The following LRRC4C variants were observed in gnomAD, a reference collection of about 807,000 sequenced individuals.
The protein encoded by LRRC4C is leucine-rich repeat-containing protein 4C.
A neutral mutation model predicts 33.6 loss-of-function variants in LRRC4C; 5 were observed. The ratio of observed to expected loss-of-function variants is 0.15; its 90% CI spans 0.08 to 0.31. The LOEUF (loss-of-function observed/expected upper bound fraction) is 0.31, where lower values mean the gene tolerates loss of function less well. Ranked by LOEUF, LRRC4C falls within the 10% of genes least tolerant of loss-of-function variation. The pLI is 1.00. For missense variants in LRRC4C, 560 were observed against 796.7 expected (o/e 0.70, Z 3.58); for synonymous variants, 329 against 302.0 (o/e 1.09, Z -0.93).
chr11:40,337,065 G>A (rs1432280469), intron 3 of LRRC4C, among the ~76,000 whole-genome samples: 2 of 147,884 alleles, frequency 1.4e-5, no homozygotes, highest in South Asian at 2.2e-4. Context: ...ACCAAGAAGC[G>A]CACATCCGAA....
chr11:41,454,870 A>G (rs1454407830), intron 1 of LRRC4C, among the ~76,000 whole-genome samples: 1 of 152,170 alleles, frequency 6.6e-6, no homozygotes, highest in Non-Finnish European at 1.5e-5. Context: ...TTCTTAAACT[A>G]GTTGAACAGG....
intron 1 of LRRC4C, among the ~76,000 whole-genome samples, chr11:41,219,042 A>G (rs1947188856): frequency 6.6e-6 from 1 of 152,100 alleles, no homozygotes; most frequent in Admixed American, 6.6e-5. Flanking sequence ...AAGTGCTGGG[A>G]TTACAGGCTT....
chr11:40,670,648 A>G (rs1431306156), intron 2 of LRRC4C, among the ~76,000 whole-genome samples: 1 of 152,240 alleles, frequency 6.6e-6, no homozygotes, highest in Non-Finnish European at 1.5e-5. Context: ...ATGTAGGGAA[A>G]AAAGGGTACA....
intron 1 of LRRC4C, among the ~76,000 whole-genome samples, chr11:40,997,604 G>A (rs1854075065): frequency 6.6e-6 from 1 of 152,070 alleles, no homozygotes; most frequent in Admixed American, 6.6e-5. Context: ...ACATCTAGAG[G>A]TGGGCAAAGG....
At chr11:40,466,524 G>C (rs974302444) in intron 3 of LRRC4C, among the ~76,000 whole-genome samples, 1 of 151,788 alleles carries the variant, frequency 6.6e-6, no homozygotes, top group Non-Finnish European at 1.5e-5. Flanking sequence ...CCATTTTTCA[G>C]ACAGAATATA....
At position 40,935,490 on chromosome 11, in the gene LRRC4C, CCTTT is replaced by C. The variant is rs1307736003; in HGVS notation, c.-495-1771_-495-1768del. 2.0e-5 allele frequency among the ~76,000 whole-genome samples: 3 copies of C among 152,056 alleles called. No homozygotes were observed. In the South Asian group the frequency reaches 6.2e-4, roughly 32 times the overall value. ...TTATAATGTCATATTTTCACTGTAC[CCTTT>C]CTATGTTTAGGTATTTTTAGATACA... On this transcript the variant is annotated intron_variant, in intron 1 of 6. Coordinates refer to ENST00000528697, the MANE Select transcript of LRRC4C (RefSeq NM_001258419.2).
intron 2 of LRRC4C, among the ~76,000 whole-genome samples, chr11:40,714,602 A>G (rs1423506622): frequency 2.0e-5 from 3 of 152,202 alleles, no homozygotes; most frequent in African/African-American, 7.2e-5. Flanking sequence ...TATTTGTAGA[A>G]GAGCAAATAA....
At chr11:40,310,671 A>T (rs979794594) in intron 4 of LRRC4C, among the ~76,000 whole-genome samples, 3 of 151,840 alleles carry the variant, frequency 2.0e-5, no homozygotes, top group African/African-American at 7.3e-5. Flanking sequence ...CACAACAACC[A>T]CCCCACCCCC....
At chr11:40,981,413 CAAA>C (rs113295551) in intron 1 of LRRC4C, among the ~76,000 whole-genome samples, 1 of 117,622 alleles carries the variant, frequency 8.5e-6, no homozygotes. Context: ...GACTCCGTCT[CAAA>C]AAAAAAAAAA....
At chr11:40,754,570 C>T (rs1436748165) in intron 2 of LRRC4C, among the ~76,000 whole-genome samples, 1 of 152,048 alleles carries the variant, frequency 6.6e-6, no homozygotes, top group Non-Finnish European at 1.5e-5. Flanking sequence ...AAAGCCTACA[C>T]TCTGGAAGAG....
At chr11:40,233,247 A>C (rs1590777722) in intron 5 of LRRC4C, among the ~76,000 whole-genome samples, 1 of 152,300 alleles carries the variant, frequency 6.6e-6, no homozygotes, top group South Asian at 2.1e-4. Flanking sequence ...GTCCTACATG[A>C]GTGGGGTTTG....
chr11:40,305,484 G>A (rs911539039), intron 4 of LRRC4C, among the ~76,000 whole-genome samples: 1 of 152,144 alleles, frequency 6.6e-6, no homozygotes, highest in Non-Finnish European at 1.5e-5. Context: ...ATATTGATAA[G>A]AAGTCGAGGT....
intron 2 of LRRC4C, among the ~76,000 whole-genome samples, chr11:40,662,443 CA>C (rs1943488964): frequency 1.3e-5 from 2 of 152,296 alleles, no homozygotes; most frequent in African/African-American, 4.8e-5. Context: ...TGAGAAAAGA[CA>C]ACCTTGCAGA....
At chr11:41,349,516 C>T (rs1232111738) in intron 1 of LRRC4C, among the ~76,000 whole-genome samples, 2 of 152,022 alleles carry the variant, frequency 1.3e-5, no homozygotes, top group Non-Finnish European at 2.9e-5. Flanking sequence ...TGGTTTCAGC[C>T]CCTCAGGGTT....
chr11:40,374,455 G>T (rs1305298566), intron 3 of LRRC4C, among the ~76,000 whole-genome samples: 5 of 152,140 alleles, frequency 3.3e-5, no homozygotes, highest in African/African-American at 1.2e-4. Flanking sequence ...TACTGAGTTT[G>T]ATATTCTCCT....
intron 2 of LRRC4C, among the ~76,000 whole-genome samples, chr11:40,776,915 A>G (rs1450829716): frequency 6.6e-6 from 1 of 152,130 alleles, no homozygotes; most frequent in African/African-American, 2.4e-5. Context: ...AAATATTTTG[A>G]TATGCTATGT....
chr11:40,498,722 C>T (rs1381203449), intron 3 of LRRC4C, among the ~76,000 whole-genome samples: 2 of 149,602 alleles, frequency 1.3e-5, no homozygotes. Flanking sequence ...TTTTAATAAA[C>T]AATGATTATG....
intron 1 of LRRC4C, among the ~76,000 whole-genome samples, chr11:41,065,359 C>A (rs1590406338): frequency 6.6e-6 from 1 of 152,300 alleles, no homozygotes; most frequent in African/African-American, 2.4e-5. Context: ...TTCCTCCTCA[C>A]TGGGTGAGGC....
chr11:40,818,146 CT>C (rs1232970753), intron 2 of LRRC4C, among the ~76,000 whole-genome samples: 5 of 152,024 alleles, frequency 3.3e-5, no homozygotes, highest in Non-Finnish European at 7.4e-5. Context: ...TTTCATTCAT[CT>C]TTACCTATAT....
Sources: allele counts gnomAD v4.1 joint callset (sites outside exome capture counted in the v4.1 genomes callset), GRCh38; gene constraint gnomAD v4.1.1; transcripts MANE v1.5; gene names NCBI Gene and HGNC (gene_info 2026-07-23, HGNC 2026-07-21).